The following PTCHD4 variants were observed in gnomAD, a reference collection of about 807,000 sequenced individuals.
PTCHD4 encodes the protein patched domain-containing protein 4.
PTCHD4 carries 33 observed loss-of-function variants against 58.1 expected under a neutral mutation model. That is an observed-to-expected ratio of 0.57 (90% CI 0.43 to 0.76). The LOEUF (loss-of-function observed/expected upper bound fraction) is 0.76. PTCHD4 is among the 30% of genes least tolerant of loss of function. The pLI, the probability that PTCHD4 is intolerant of heterozygous loss-of-function variation, is 0.00. For missense variants in PTCHD4, 1,058 were observed against 1,027.1 expected (o/e 1.03, Z -0.41); for synonymous variants, 478 against 409.6 (o/e 1.17, Z -2.02).
intron 4 of PTCHD4, among the ~76,000 whole-genome samples, chr6:47,929,725 T>G (rs549068652): frequency 2.0e-5 from 3 of 152,248 alleles, no homozygotes; most frequent in Non-Finnish European, 4.4e-5. Flanking sequence ...CACAGGTGAT[T>G]TGTGGATATC....
chr6:48,100,929 C>T (rs1407931691), intron 1 of PTCHD4, among the ~76,000 whole-genome samples: 2 of 151,878 alleles, frequency 1.3e-5, no homozygotes, highest in Non-Finnish European at 2.9e-5. Context: ...ATGTTTGTTT[C>T]ATTATGTCAA....
intron 4 of PTCHD4, among the ~76,000 whole-genome samples, chr6:47,915,630 G>A (rs797000114): frequency 1.1e-4 from 16 of 149,578 alleles, no homozygotes; most frequent in African/African-American, 3.9e-4. Context: ...AAACTAAAAG[G>A]CACACCTGGA....
chr6:47,873,636 A>G lies in PTCHD4; in HGVS notation c.*4667T>C, dbSNP rs1763774021. ...GTAGTTATTTTGTAGACAAAGTAGT[A>G]AAAAACTTGATTTTTCCCTATCCTA... On this transcript the variant is annotated 3_prime_UTR_variant, in exon 5 of 5. Coordinates refer to ENST00000339488, the MANE Select transcript of PTCHD4 (RefSeq NM_001384253.1). Among the ~76,000 whole-genome samples, 1 of 151,660 alleles carries G rather than the reference A, an allele frequency of 6.6e-6. No individual in the cohort carries two copies. Among genetic ancestry groups the G allele is most frequent in the Non-Finnish European group, 1.5e-5 (1 of 67,774 alleles).
intron 1 of PTCHD4, among the ~76,000 whole-genome samples, chr6:48,110,811 A>T (rs1002781087): frequency 1.4e-5 from 2 of 147,094 alleles, no homozygotes; most frequent in African/African-American, 4.9e-5. Context: ...ATATATATAT[A>T]ATATTTTTAT....
Position 47,878,469 on chromosome 6 carries a change from C to T in PTCHD4, c.2366G>A (p.Gly789Glu). Residue 789 changes from glycine to glutamate, a missense_variant, in exon 5 of 5, where the codon GGG becomes GAG. Gly to Glu is a moderately conservative substitution (Grantham distance 98, BLOSUM62 -2). Transcript: ENST00000339488. ...AAAACAGTGCAGAAGTGTGCAACCC[C>T]CAGTGAGCAGCAAGCATTTGAACAG... ...FTLFKCLLLT[G>E]GCTLLHCFVI... 1.2e-6 allele frequency: 2 copies of T among 1,613,412 alleles called. No homozygotes were observed. The highest frequency in any genetic ancestry group is 8.5e-7 in the Non-Finnish European group (1 of 1,179,698).
chr6:48,044,837 C>T (rs917168391), intron 3 of PTCHD4, among the ~76,000 whole-genome samples: 7 of 151,728 alleles, frequency 4.6e-5, no homozygotes, highest in Non-Finnish European at 5.9e-5. Context: ...TCCTCAAAAT[C>T]CTGTCAAACA....
intron 4 of PTCHD4, among the ~76,000 whole-genome samples, chr6:47,925,384 G>T (rs555002973): frequency 6.6e-6 from 1 of 151,996 alleles, no homozygotes; most frequent in African/African-American, 2.4e-5. Flanking sequence ...TGAATATATG[G>T]CATTTGTTAT....
At chr6:47,883,172 T>C (rs1410078783) in intron 4 of PTCHD4, among the ~76,000 whole-genome samples, 1 of 152,100 alleles carries the variant, frequency 6.6e-6, no homozygotes, top group African/African-American at 2.4e-5. Context: ...TGCTAGCCGA[T>C]ATATAAGATA....
At chr6:47,885,409 A>G (rs775532793) in intron 4 of PTCHD4, among the ~76,000 whole-genome samples, 3 of 152,324 alleles carry the variant, frequency 2.0e-5, no homozygotes, top group Middle Eastern at 3.4e-3. Flanking sequence ...CCCCCATTTA[A>G]CAATGATTTG....
In PTCHD4 at chr6:47,874,287, C is replaced by A. The variant is rs1409876107; in HGVS notation, c.*4016G>T. Among the ~76,000 whole-genome samples, 3 of 151,552 alleles carry A rather than the reference C, an allele frequency of 2.0e-5. No homozygotes were observed. In the East Asian group the frequency reaches 5.8e-4, roughly 29 times the overall value. ...GATGGAACTTTCTGTGGACTTTAGG[C>A]CCTTAAGACCAAAAGCCATGAGGCA... On this transcript the variant is annotated 3_prime_UTR_variant, in exon 5 of 5. Transcript: ENST00000339488.
intron 4 of PTCHD4, chr6:47,899,494 T>C (rs1275336538): frequency 2.9e-6 from 2 of 688,358 alleles, no homozygotes; most frequent in Non-Finnish European, 3.6e-6. Flanking sequence ...ATTCATTTTA[T>C]TAGGGACAGA....
intron 4 of PTCHD4, among the ~76,000 whole-genome samples, chr6:47,939,411 C>G (rs1048616805): frequency 6.6e-6 from 1 of 151,822 alleles, no homozygotes; most frequent in Admixed American, 6.6e-5. Context: ...AGGAATAATA[C>G]GGGAGAGAGG....
At chr6:48,081,841 A>T (rs1765174480) in intron 1 of PTCHD4, among the ~76,000 whole-genome samples, 1 of 152,232 alleles carries the variant, frequency 6.6e-6, no homozygotes, top group African/African-American at 2.4e-5. Context: ...GCTAAACAGT[A>T]GGCTATTTAC....
intron 3 of PTCHD4, among the ~76,000 whole-genome samples, chr6:48,062,598 C>A (rs932048147): frequency 6.6e-6 from 1 of 152,114 alleles, no homozygotes; most frequent in African/African-American, 2.4e-5. Flanking sequence ...AGAAACTAGG[C>A]CCCAGTGCCA....
rs2113880465 is a variant in PTCHD4 at position 48,068,594 on chromosome 6, T to G, written c.53A>C (p.Gln18Pro). ...ASWIWWRMLR[Q>P]VLRRGLQSFC... ...CGACTGGAGCCCTCTGCGAAGCACC[T>G]GCCGCAGCATCCTCCACCAGATCCA... Residue 18 changes from glutamine to proline, a missense_variant, in exon 3 of 5, where the codon CAG (glutamine) becomes CCG (proline). Physicochemically the swap from Gln to Pro is moderately conservative, Grantham distance 76. Transcript: ENST00000339488. This position sits in a 1 kb window ranked among gnomAD's most constrained non-coding sequence, Gnocchi z 4.2. 6.3e-7 allele frequency: 1 copy of G among 1,578,014 alleles called. No individual in the cohort carries two copies. The highest frequency in any genetic ancestry group is 2.3e-5 in the East Asian group (1 of 42,916).
chr6:48,083,300 T>C (rs181746516), intron 1 of PTCHD4, among the ~76,000 whole-genome samples: 1 of 152,142 alleles, frequency 6.6e-6, no homozygotes, highest in African/African-American at 2.4e-5. Flanking sequence ...CAAATTCTCA[T>C]ATATTTTACT....
intron 1 of PTCHD4, among the ~76,000 whole-genome samples, chr6:48,073,642 TG>T (rs1009213762): frequency 1.8e-4 from 27 of 152,326 alleles, no homozygotes; most frequent in African/African-American, 6.5e-4. Context: ...AGCTCAGGCC[TG>T]GATTCCACAA....
chr6:47,991,792 T>C (rs1455904426), intron 4 of PTCHD4, among the ~76,000 whole-genome samples: 2 of 152,040 alleles, frequency 1.3e-5, no homozygotes, highest in African/African-American at 4.8e-5. Context: ...GTAATTTGTA[T>C]AACAATCACA....
intron 4 of PTCHD4, among the ~76,000 whole-genome samples, chr6:47,922,147 A>G (rs1765453585): frequency 6.6e-6 from 1 of 152,012 alleles, no homozygotes; most frequent in Non-Finnish European, 1.5e-5. Context: ...AAAAGAAAAA[A>G]AAGTTACTAT....
Sources: gnomAD v4.1 joint callset for allele counts (sites outside exome capture counted in the v4.1 genomes callset) on GRCh38, gnomAD v4.1.1 for gene constraint, Gnocchi (gnomAD v3.1) non-coding constraint, MANE v1.5 for transcripts, NCBI Gene and HGNC (gene_info 2026-07-23, HGNC 2026-07-21) for gene names.